Variants in HSD11B1 observed in about 807,000 individuals in gnomAD.
HSD11B1 encodes the protein hydroxysteroid 11-beta dehydrogenase 1, also known as 11-beta-hydroxysteroid dehydrogenase 1.
HSD11B1 carries 15 observed loss-of-function variants against 22.1 expected under a neutral mutation model. That is an observed-to-expected ratio of 0.68 (90% CI 0.45 to 1.04). The LOEUF (loss-of-function observed/expected upper bound fraction) is 1.04, where lower values mean the gene tolerates loss of function less well. HSD11B1 is among the 50% of genes least tolerant of loss of function. The pLI, the probability that HSD11B1 is intolerant of heterozygous loss-of-function variation, is 0.00. For missense variants in HSD11B1, 281 were observed against 357.6 expected (o/e 0.79, Z 1.73); for synonymous variants, 122 against 125.2 (o/e 0.97, Z 0.17).
chr1:209,695,949 A>G (rs2076788687), intron 1 of HSD11B1, among the ~76,000 whole-genome samples: 1 of 152,262 alleles, frequency 6.6e-6, no homozygotes, highest in Non-Finnish European at 1.5e-5. Flanking sequence ...CATAATAGCA[A>G]AAAACAGGGG....
upstream of HSD11B1, chr1:209,704,757 G>T: frequency 1.7e-6 from 1 of 589,120 alleles, no homozygotes; most frequent in Non-Finnish European, 3.1e-6. Flanking sequence ...AGGGACGAAT[G>T]GGATCCCACC....
At chr1:209,723,142 A>C (rs1180294797) in intron 4 of HSD11B1, among the ~76,000 whole-genome samples, 2 of 152,156 alleles carry the variant, frequency 1.3e-5, no homozygotes, top group Non-Finnish European at 2.9e-5. Context: ...ATTTTGCTTC[A>C]GAAAATATAG....
intron 5 of HSD11B1, among the ~76,000 whole-genome samples, chr1:209,733,404 C>T (rs1287594891): frequency 6.6e-6 from 1 of 152,084 alleles, no homozygotes; most frequent in African/African-American, 2.4e-5. Context: ...GGCTGAAGAA[C>T]TGTCACAGAT....
At chr1:209,696,370 G>A (rs1031650133) in intron 1 of HSD11B1, among the ~76,000 whole-genome samples, 7 of 152,122 alleles carry the variant, frequency 4.6e-5, no homozygotes, top group South Asian at 2.1e-4. Context: ...CAATAAAGCC[G>A]TTAAAAAATA....
Position 209,725,185 on chromosome 1 carries a change from A to G in HSD11B1, c.518-7251A>G, listed in dbSNP as rs183562392. ...CGATGTAATACCTATTAATGCCCAT[A>G]CCACCATCAAAAATCCAAAAACAAA... On this transcript the variant is annotated intron_variant, in intron 4 of 5. Transcript: ENST00000367027. 1.2e-4 allele frequency among the ~76,000 whole-genome samples: 19 copies of G among 152,322 alleles called. No homozygotes were observed. In the East Asian group the frequency reaches 1.9e-3, roughly 15 times the overall value.
upstream of HSD11B1, among the ~76,000 whole-genome samples, chr1:209,701,106 C>T (rs1209419582): frequency 3.3e-5 from 5 of 152,224 alleles, no homozygotes; most frequent in Non-Finnish European, 5.9e-5. Flanking sequence ...GTCACTTCCA[C>T]ATTTTCAGGT....
chr1:209,716,570 A>T (rs931548040), intron 4 of HSD11B1, among the ~76,000 whole-genome samples: 7 of 152,174 alleles, frequency 4.6e-5, no homozygotes, highest in African/African-American at 1.4e-4. Flanking sequence ...AAATAGAAAA[A>T]AAAAACCTAA....
At chr1:209,722,263 A>G (rs117838752) in intron 4 of HSD11B1, among the ~76,000 whole-genome samples, 330 of 152,266 alleles carry the variant, frequency 2.2e-3, no homozygotes, top group East Asian at 4.0e-3. Flanking sequence ...ATTTAGTAAA[A>G]GTTTTATCTT....
At chr1:209,702,515 G>C (rs1294872423), upstream of HSD11B1, among the ~76,000 whole-genome samples, 1 of 152,000 alleles carries the variant, frequency 6.6e-6, no homozygotes, top group Admixed American at 6.6e-5. Context: ...GGTCCCCATG[G>C]GTCTCTGAGA....
At chr1:209,726,065 G>A (rs544787973) in intron 4 of HSD11B1, among the ~76,000 whole-genome samples, 39 of 151,786 alleles carry the variant, frequency 2.6e-4, no homozygotes, top group Non-Finnish European at 4.7e-4. Context: ...GGCGGATCAC[G>A]AGGTCAAGAG....
At chr1:209,694,921 T>C (rs2076781653) in intron 1 of HSD11B1, among the ~76,000 whole-genome samples, 1 of 152,226 alleles carries the variant, frequency 6.6e-6, no homozygotes, top group Admixed American at 6.5e-5. Flanking sequence ...AGTTAGGATA[T>C]GGCCTGGCTC....
chr1:209,716,836 G>T (rs1031522817), intron 4 of HSD11B1, among the ~76,000 whole-genome samples: 1 of 152,042 alleles, frequency 6.6e-6, no homozygotes, highest in Non-Finnish European at 1.5e-5. Context: ...AAATGGTGCT[G>T]GAAAAACTGA....
At chr1:209,711,503 G>T (rs1027212641) in intron 4 of HSD11B1, among the ~76,000 whole-genome samples, 1 of 152,162 alleles carries the variant, frequency 6.6e-6, no homozygotes, top group African/African-American at 2.4e-5. Context: ...TTTCTGAGGT[G>T]AGTGGAAGTG....
Position 209,705,031 on chromosome 1 carries a change from G to A in HSD11B1, c.88+1G>A. ...TCTGCAAACGAGGAATTCAGACCAGGTAAGTACCCATGCGTCTCATTTTGG... is the reference window on the plus strand; with the variant it reads ...TCTGCAAACGAGGAATTCAGACCAGATAAGTACCCATGCGTCTCATTTTGG... On this transcript the variant is annotated splice_donor_variant, in intron 1 of 5. Coordinates refer to ENST00000367027, the MANE Select transcript of HSD11B1 (RefSeq NM_005525.4). LOFTEE classifies it high-confidence loss of function. The A allele has an allele frequency of 1.2e-6, 2 of 1,611,218 alleles. No individual in the cohort carries two copies. Among genetic ancestry groups the A allele is most frequent in the Non-Finnish European group, 1.7e-6 (2 of 1,177,436 alleles).
intron 4 of HSD11B1, among the ~76,000 whole-genome samples, chr1:209,721,138 G>C (rs1432548403): frequency 6.6e-6 from 1 of 152,150 alleles, no homozygotes; most frequent in Non-Finnish European, 1.5e-5. Flanking sequence ...GGGGGAATGC[G>C]GCCCTGCCAA....
intron 1 of HSD11B1, among the ~76,000 whole-genome samples, chr1:209,705,452 T>C (rs1401656758): frequency 6.6e-6 from 1 of 150,866 alleles, no homozygotes; most frequent in Non-Finnish European, 1.5e-5. Context: ...TGAACACATG[T>C]GTTTTGATTC....
intron 4 of HSD11B1, among the ~76,000 whole-genome samples, chr1:209,726,720 T>G (rs2077005336): frequency 6.6e-6 from 1 of 152,222 alleles, no homozygotes; most frequent in African/African-American, 2.4e-5. Flanking sequence ...CTCTCTTCTC[T>G]TACCTCCTTC....
upstream of HSD11B1, among the ~76,000 whole-genome samples, chr1:209,703,467 TTC>T (rs1202514849): frequency 1.3e-5 from 2 of 152,186 alleles, no homozygotes; most frequent in Admixed American, 1.3e-4. Context: ...TTTATCTTTT[TTC>T]TCTTTTTGTC....
At chr1:209,705,246 A>G (rs1374770950) in intron 1 of HSD11B1, among the ~76,000 whole-genome samples, 1 of 152,118 alleles carries the variant, frequency 6.6e-6, no homozygotes, top group African/African-American at 2.4e-5. Flanking sequence ...CTAGCCAAAT[A>G]GGCCATGCTT....
Sources: gnomAD v4.1 joint callset for allele counts (sites outside exome capture counted in the v4.1 genomes callset) on GRCh38, gnomAD v4.1.1 for gene constraint, MANE v1.5 for transcripts, NCBI Gene and HGNC (gene_info 2026-07-23, HGNC 2026-07-21) for gene names.